Variants in SMAD2 observed in about 807,000 individuals in gnomAD.
SMAD2 encodes SMAD family member 2.
SMAD2 carries 8 observed loss-of-function variants against 64.4 expected under a neutral mutation model. The ratio of observed to expected loss-of-function variants is 0.12; its 90% CI spans 0.07 to 0.22. The LOEUF is 0.22. Ranked by LOEUF, SMAD2 falls within the 10% of genes least tolerant of loss-of-function variation. SMAD2 has a pLI of 1.00. For synonymous variants in SMAD2, 203 were observed against 195.8 expected (o/e 1.04, Z -0.31); for missense variants, 289 against 561.2 (o/e 0.51, Z 4.90).
intron 1 of SMAD2, among the ~76,000 whole-genome samples, chr18:47,915,930 T>A (rs923224539): frequency 2.0e-5 from 3 of 152,244 alleles, no homozygotes; most frequent in Non-Finnish European, 4.4e-5. Context: ...TTTAACACCC[T>A]TTTGAAAGTT....
At chr18:47,894,669 T>C (rs1013651298) in intron 2 of SMAD2, among the ~76,000 whole-genome samples, 1 of 152,208 alleles carries the variant, frequency 6.6e-6, no homozygotes, top group African/African-American at 2.4e-5. Context: ...CCTCTGGATA[T>C]AGCCCCAAGC....
intron 1 of SMAD2, among the ~76,000 whole-genome samples, chr18:47,910,549 T>C (rs1220285992): frequency 6.6e-5 from 10 of 152,176 alleles, no homozygotes; most frequent in Admixed American, 6.5e-4. Flanking sequence ...AAAAATTGCT[T>C]ATTTTCATAA....
chr18:47,915,581 C>T (rs2034299952), intron 1 of SMAD2, among the ~76,000 whole-genome samples: 1 of 152,114 alleles, frequency 6.6e-6, no homozygotes, highest in Non-Finnish European at 1.5e-5. Context: ...CAAAAAAAGT[C>T]CCACAGTGAA....
In SMAD2 at chr18:47,848,644, C is replaced by T. The variant is rs1051066; in HGVS notation, c.828G>A (p.Ser276=). The change falls in exon 8 of 11, where the codon TCG becomes TCA. Residue 276 remains serine, a synonymous_variant. Coordinates refer to ENST00000262160, the MANE Select transcript of SMAD2 (RefSeq NM_005901.6). ...TCTGATTTAATTCATAATATGCTAT[C>T]GAACACCAAAATGCAGGTTCTGAGT... ...VTYSEPAFWC[S]IAYYELNQRV... 5,513 of 1,613,508 alleles carry T rather than the reference C, an allele frequency of 3.4e-3. 152 individuals carry two copies. The African/African-American group carries it at 0.061, about 18-fold the overall frequency.
chr18:47,909,003 CTG>C (rs2034015829), intron 1 of SMAD2, among the ~76,000 whole-genome samples: 1 of 151,444 alleles, frequency 6.6e-6, no homozygotes, highest in African/African-American at 2.4e-5. Flanking sequence ...GTACCACAGA[CTG>C]AGGTCTGCAG....
intron 3 of SMAD2, 48 bp downstream of exon 3, chr18:47,870,427 C>G: frequency 7.3e-7 from 1 of 1,368,288 alleles, no homozygotes; most frequent in Non-Finnish European, 1.0e-6. Context: ...CAAAATATAC[C>G]CCCCTCCCAC....
At chr18:47,871,954 G>T (rs528992225) in intron 2 of SMAD2, among the ~76,000 whole-genome samples, 6 of 152,274 alleles carry the variant, frequency 3.9e-5, no homozygotes, top group African/African-American at 1.4e-4. Context: ...AGCACAAGAG[G>T]CTATTCTGCT....
chr18:47,868,492 A>C (rs374062710), intron 4 of SMAD2, 35 bp from the exon 5 acceptor site: 95 of 1,596,542 alleles, frequency 6.0e-5, no homozygotes, highest in Non-Finnish European at 6.3e-5. Flanking sequence ...TTAATGGCAA[A>C]GAGCAAAGGG....
intron 1 of SMAD2, 88 bp from the exon 2 acceptor site, chr18:47,896,897 C>T: frequency 1.6e-6 from 2 of 1,248,218 alleles, no homozygotes; most frequent in Non-Finnish European, 2.3e-6. Flanking sequence ...AACTGCAAAG[C>T]AAGATAGAAA....
chr18:47,881,753 G>C (rs928098643), intron 2 of SMAD2, among the ~76,000 whole-genome samples: 1 of 152,110 alleles, frequency 6.6e-6, no homozygotes, highest in Non-Finnish European at 1.5e-5. Flanking sequence ...AAGTCTCTTT[G>C]TTTCTCATTT....
intron 1 of SMAD2, among the ~76,000 whole-genome samples, chr18:47,929,230 T>G (rs1460903463): frequency 6.6e-6 from 1 of 152,250 alleles, no homozygotes; most frequent in Non-Finnish European, 1.5e-5. Flanking sequence ...CTAACTTCTC[T>G]GTAAGATGGA....
Position 47,840,565 on chromosome 18 carries a change from G to A in SMAD2, c.*1262C>T, listed in dbSNP as rs1913846547. On this transcript the variant is annotated 3_prime_UTR_variant, in exon 11 of 11. Transcript: ENST00000262160. ...AATTCTGAATTCATAATTATGTGTAGAATAACAATCAATTTATAAACTGAA... is the reference window on the plus strand; with the variant it reads ...AATTCTGAATTCATAATTATGTGTAAAATAACAATCAATTTATAAACTGAA... The A allele has an allele frequency of 4.3e-6, 1 of 231,910 alleles. No individual in the cohort carries two copies. Among genetic ancestry groups the A allele is most frequent in the South Asian group, 1.8e-4 (1 of 5,508 alleles). The allele number at this position is 231,910 out of a possible 1,614,324, so 14.4% of individuals were successfully genotyped here.
intron 1 of SMAD2, among the ~76,000 whole-genome samples, chr18:47,915,077 T>G (rs1406503125): frequency 6.6e-6 from 1 of 152,214 alleles, no homozygotes; most frequent in Non-Finnish European, 1.5e-5. Flanking sequence ...ACAAAAATAT[T>G]ACACTCAACA....
At chr18:47,927,408 G>A (rs528537304) in intron 1 of SMAD2, among the ~76,000 whole-genome samples, 3 of 152,274 alleles carry the variant, frequency 2.0e-5, no homozygotes, top group Non-Finnish European at 4.4e-5. Flanking sequence ...TAATGCATGT[G>A]CCCTTGATTT....
At chr18:47,895,955 G>T (rs1477800737) in intron 2 of SMAD2, among the ~76,000 whole-genome samples, 3 of 152,168 alleles carry the variant, frequency 2.0e-5, no homozygotes, top group Admixed American at 6.5e-5. Context: ...GTACTTATCT[G>T]TAAATGATTA....
intron 1 of SMAD2, chr18:47,912,120 T>C (rs1391749872): frequency 2.0e-5 from 3 of 152,204 alleles, no homozygotes; most frequent in East Asian, 3.8e-4. Flanking sequence ...TTCAGCATGT[T>C]TTCTAAAGAC....
Position 47,835,019 on chromosome 18 carries a change from C to A in SMAD2, c.*6808G>T. On this transcript the variant is annotated 3_prime_UTR_variant, in exon 11 of 11. Coordinates refer to ENST00000262160, the MANE Select transcript of SMAD2 (RefSeq NM_005901.6). ...CGAAAGGAATATTCTCAGATATGAA[C>A]ATTTTTTATTCTGCCTACAATGCTG... The A allele has an allele frequency of 1.4e-5, 3 of 221,252 alleles. No individual in the cohort carries two copies. The highest frequency in any genetic ancestry group is 2.7e-5 in the Non-Finnish European group (3 of 110,506). The allele number at this position is 221,252 out of a possible 1,614,324, so 13.7% of individuals were successfully genotyped here.
At chr18:47,908,264 G>T (rs992758964) in intron 1 of SMAD2, among the ~76,000 whole-genome samples, 1 of 152,140 alleles carries the variant, frequency 6.6e-6, no homozygotes, top group Non-Finnish European at 1.5e-5. Flanking sequence ...AAAATTGAGA[G>T]CCCAAATGAC....
In SMAD2 at chr18:47,838,264, A is replaced by C. The variant is rs1339947859; in HGVS notation, c.*3563T>G. The stretch of plus-strand genomic sequence containing the variant: ...AATCAAGCAAAACTCAATGTGGCTT[A>C]AGGTAAAAAATACAACTAGGTATTA... On this transcript the variant is annotated 3_prime_UTR_variant, in exon 11 of 11. Coordinates refer to ENST00000262160, the MANE Select transcript of SMAD2 (RefSeq NM_005901.6). The C allele has an allele frequency of 8.6e-6, 2 of 233,180 alleles. No individual in the cohort carries two copies. Among genetic ancestry groups the C allele is most frequent in the Non-Finnish European group, 1.7e-5 (2 of 117,942 alleles). The allele number at this position is 233,180 out of a possible 1,614,324, so 14.4% of individuals were successfully genotyped here. A position where few individuals can be genotyped will look rare whatever the true frequency, so the allele number is the denominator to read the frequency against.
Sources: allele counts gnomAD v4.1 joint callset (sites outside exome capture counted in the v4.1 genomes callset), GRCh38; gene constraint gnomAD v4.1.1; transcripts MANE v1.5; gene names NCBI Gene and HGNC (gene_info 2026-07-23, HGNC 2026-07-21).